AUTS2: variants seen among roughly 807,000 people sequenced by gnomAD.
AUTS2 encodes autism susceptibility gene 2 protein.
AUTS2 carries 17 observed loss-of-function variants against 112.4 expected under a neutral mutation model. The ratio of observed to expected loss-of-function variants is 0.15; its 90% CI spans 0.10 to 0.23. The LOEUF is 0.23. Among genes scored for constraint, AUTS2 ranks in the 10% least tolerant of loss-of-function variants. The pLI is 1.00. For synonymous variants in AUTS2, 751 were observed against 702.7 expected (o/e 1.07, Z -1.09); for missense variants, 1,510 against 1,701.6 (o/e 0.89, Z 1.98).
Position 69,899,308 on chromosome 7 carries a change from A to G in AUTS2, c.332A>G (p.Gln111Arg). 1.9e-6 allele frequency: 3 copies of G among 1,613,652 alleles called. No homozygotes were observed. The highest frequency in any genetic ancestry group is 2.5e-6 in the Non-Finnish European group (3 of 1,179,612). The change falls in exon 2 of 19, where the codon CAG (glutamine) becomes CGG (arginine). Residue 111 changes from glutamine to arginine, a missense_variant. Physicochemically the swap from Gln to Arg is conservative, Grantham distance 43. Around this residue, in one of 3 missense-constraint regions of AUTS2, gnomAD observed 535 missense variants for 594.3 expected, o/e 0.90. Coordinates refer to ENST00000342771, the MANE Select transcript of AUTS2 (RefSeq NM_015570.4). ...CAGAAAGATGTAGCACTTAAGCCTC[A>G]GGAACGTGTGGAGAAACGCCAGACG... ...ALEKDVALKP[Q>R]ERVEKRQTPL...
intron 4 of AUTS2, among the ~76,000 whole-genome samples, chr7:70,272,123 G>C (rs971020493): frequency 6.6e-6 from 1 of 151,698 alleles, no homozygotes; most frequent in Admixed American, 6.6e-5. Flanking sequence ...TAATTCCTCA[G>C]ATATGACAAG....
chr7:69,965,708 C>A (rs1378474553), intron 2 of AUTS2, among the ~76,000 whole-genome samples: 1 of 152,144 alleles, frequency 6.6e-6, no homozygotes, highest in Non-Finnish European at 1.5e-5. Context: ...CCATTCTTCT[C>A]AGAGAAATTA....
At chr7:70,637,739 A>T (rs1805602866) in intron 5 of AUTS2, among the ~76,000 whole-genome samples, 1 of 152,148 alleles carries the variant, frequency 6.6e-6, no homozygotes, top group African/African-American at 2.4e-5. Context: ...GTTTTTATAG[A>T]TGGTGGGCAA....
intron 5 of AUTS2, among the ~76,000 whole-genome samples, chr7:70,668,329 C>T (rs1177439576): frequency 2.0e-5 from 3 of 152,194 alleles, no homozygotes; most frequent in African/African-American, 7.2e-5. Context: ...CTGCTGGCCC[C>T]AGGACCACAT....
At chr7:70,685,219 C>A (rs1385647528) in intron 5 of AUTS2, among the ~76,000 whole-genome samples, 1 of 151,942 alleles carries the variant, frequency 6.6e-6, no homozygotes, top group Non-Finnish European at 1.5e-5. Context: ...ACACCTGTAA[C>A]CCCAGCACTT....
intron 1 of AUTS2, among the ~76,000 whole-genome samples, chr7:69,878,485 G>A (rs537938333): frequency 3.3e-5 from 5 of 152,226 alleles, no homozygotes; most frequent in Non-Finnish European, 5.9e-5. Context: ...TTGTTTCATT[G>A]TCTCTCTTGA....
At chr7:69,885,763 A>G (rs999977468) in intron 1 of AUTS2, among the ~76,000 whole-genome samples, 3 of 152,210 alleles carry the variant, frequency 2.0e-5, no homozygotes, top group Non-Finnish European at 4.4e-5. Context: ...AGAGAATTCA[A>G]TGAGGTGATT....
chr7:70,128,353 C>A (rs1008126922), intron 3 of AUTS2, among the ~76,000 whole-genome samples: 4 of 152,124 alleles, frequency 2.6e-5, no homozygotes, highest in Non-Finnish European at 4.4e-5. Context: ...GTGGGAGAGA[C>A]AAATCTATTA....
intron 1 of AUTS2, among the ~76,000 whole-genome samples, chr7:69,772,028 G>T (rs1057057417): frequency 6.6e-6 from 1 of 151,952 alleles, no homozygotes; most frequent in Non-Finnish European, 1.5e-5. Flanking sequence ...CAGGTGATCT[G>T]CCTGCCTCGC....
At chr7:70,768,877 C>CTTTTCTTT (rs776483074) in intron 10 of AUTS2, among the ~76,000 whole-genome samples, 1 of 108,216 alleles carries the variant, frequency 9.2e-6, no homozygotes, top group Non-Finnish European at 1.8e-5. Flanking sequence ...CCAGTGATTT[C>CTTTTCTTT]TTTTTTTTTT....
chr7:70,578,022 G>A (rs1281342733), intron 5 of AUTS2, among the ~76,000 whole-genome samples: 2 of 152,012 alleles, frequency 1.3e-5, no homozygotes, highest in African/African-American at 2.4e-5. Flanking sequence ...AGTAGAGACG[G>A]GGTTTCACCA....
chr7:70,136,267 T>G (rs1001488277), intron 4 of AUTS2, among the ~76,000 whole-genome samples: 2 of 152,210 alleles, frequency 1.3e-5, no homozygotes, highest in Admixed American at 6.6e-5. Context: ...AGACTTACTT[T>G]GCTTACATAA....
intron 2 of AUTS2, among the ~76,000 whole-genome samples, chr7:70,089,385 C>A (rs1483027438): frequency 6.6e-6 from 1 of 151,880 alleles, no homozygotes; most frequent in Non-Finnish European, 1.5e-5. Flanking sequence ...ATAAAATATT[C>A]TTTGTTCTGA....
chr7:70,699,286 G>A (rs1036960285), intron 6 of AUTS2: 1 of 152,172 alleles, frequency 6.6e-6, no homozygotes, highest in African/African-American at 2.4e-5. Context: ...GGCTCTGAAA[G>A]GTGTGTAATT....
chr7:69,611,316 A>G (rs562710895), intron 1 of AUTS2, among the ~76,000 whole-genome samples: 1 of 152,170 alleles, frequency 6.6e-6, no homozygotes, highest in South Asian at 2.1e-4. Context: ...CTGGGGAGGG[A>G]GCAAATGATA....
intron 5 of AUTS2, among the ~76,000 whole-genome samples, chr7:70,493,871 G>T (rs1296838029): frequency 1.3e-5 from 2 of 152,038 alleles, no homozygotes; most frequent in African/African-American, 4.8e-5. Context: ...TTTTGAAGGG[G>T]CAGGAGATGG....
At chr7:69,915,872 G>A (rs1184391923) in intron 2 of AUTS2, among the ~76,000 whole-genome samples, 11 of 152,196 alleles carry the variant, frequency 7.2e-5, no homozygotes, top group African/African-American at 1.7e-4. Flanking sequence ...GACTACAGGC[G>A]CACACCACCA....
chr7:70,651,295 G>T (rs1456292782), intron 5 of AUTS2, among the ~76,000 whole-genome samples: 1 of 152,156 alleles, frequency 6.6e-6, no homozygotes, highest in East Asian at 1.9e-4. Context: ...TTCATAGCCT[G>T]CCCCCTCTCT....
chr7:70,182,020 G>A (rs530690546), intron 4 of AUTS2, among the ~76,000 whole-genome samples: 204 of 139,308 alleles, frequency 1.5e-3, no homozygotes, highest in African/African-American at 5.3e-3. Context: ...GGATGGTCTC[G>A]ATCGATCTCC....
Sources: allele counts gnomAD v4.1 joint callset (sites outside exome capture counted in the v4.1 genomes callset), GRCh38; gene constraint gnomAD v4.1.1; regional missense constraint gnomAD v4.1.1; transcripts MANE v1.5; gene names NCBI Gene and HGNC (gene_info 2026-07-23, HGNC 2026-07-21).